Variants in SEL1L2 observed in about 807,000 individuals in gnomAD.
The protein encoded by SEL1L2 is SEL1L2 adaptor subunit of SYVN1 ubiquitin ligase.
Under a neutral mutation model 98.8 loss-of-function variants are expected in SEL1L2, and 89 were observed. That is an observed-to-expected ratio of 0.90 (90% CI 0.76 to 1.07). The LOEUF is 1.07. SEL1L2 is among the 50% of genes least tolerant of loss of function. The pLI is 0.00. For synonymous variants in SEL1L2, 262 were observed against 278.5 expected (o/e 0.94, Z 0.59); for missense variants, 788 against 812.0 (o/e 0.97, Z 0.36).
chr20:13,923,496 C>A (rs1328942271), intron 3 of SEL1L2, among the ~76,000 whole-genome samples: 1 of 152,188 alleles, frequency 6.6e-6, no homozygotes, highest in African/African-American at 2.4e-5. Context: ...TGGCTGAGTG[C>A]AGTAGCTCAC....
intron 1 of SEL1L2, among the ~76,000 whole-genome samples, chr20:13,974,555 T>G (rs1413003473): frequency 1.4e-5 from 2 of 142,608 alleles, no homozygotes; most frequent in African/African-American, 5.2e-5. Flanking sequence ...CCTGGCTTAC[T>G]GCAACCTCCG....
chr20:13,989,170 G>A (rs1026347173), intron 1 of SEL1L2, among the ~76,000 whole-genome samples: 1 of 152,034 alleles, frequency 6.6e-6, no homozygotes, highest in Non-Finnish European at 1.5e-5. Context: ...AACAATTTTT[G>A]TGGTCATCAG....
chr20:13,903,491 GT>G (rs2148112374), intron 5 of SEL1L2, among the ~76,000 whole-genome samples: 1 of 152,244 alleles, frequency 6.6e-6, no homozygotes, highest in South Asian at 2.1e-4. Flanking sequence ...TGTGCCATTG[GT>G]AATATGCCTT....
chr20:13,941,962 T>C (rs1235230107), intron 2 of SEL1L2, among the ~76,000 whole-genome samples: 1 of 152,214 alleles, frequency 6.6e-6, no homozygotes, highest in East Asian at 1.9e-4. Context: ...CTTTTTTCTT[T>C]CCTGGTTCAT....
At chr20:13,899,658 A>G (rs2047579117) in intron 5 of SEL1L2, among the ~76,000 whole-genome samples, 1 of 151,914 alleles carries the variant, frequency 6.6e-6, no homozygotes, top group African/African-American at 2.4e-5. Context: ...TGGCTTAATC[A>G]CCTCCTGAAG....
chr20:13,980,238 C>G (rs2051745050), intron 1 of SEL1L2, among the ~76,000 whole-genome samples: 1 of 152,136 alleles, frequency 6.6e-6, no homozygotes, highest in African/African-American at 2.4e-5. Flanking sequence ...TTTTTTGAGA[C>G]AGAGTCTTGC....
At chr20:13,909,703 G>C (rs972196345) in intron 5 of SEL1L2, among the ~76,000 whole-genome samples, 1 of 152,072 alleles carries the variant, frequency 6.6e-6, no homozygotes. Context: ...ACAGAGGCTG[G>C]GTGTGGTGGC....
chr20:13,945,729 A>AAATT (rs2049977741), intron 2 of SEL1L2, among the ~76,000 whole-genome samples: 1 of 152,144 alleles, frequency 6.6e-6, no homozygotes, highest in African/African-American at 2.4e-5. Flanking sequence ...GCATATTAAA[A>AAATT]AATTATTTAC....
chr20:13,884,370 T>C (rs954250569), intron 10 of SEL1L2, among the ~76,000 whole-genome samples: 3 of 152,162 alleles, frequency 2.0e-5, no homozygotes, highest in Admixed American at 6.5e-5. Context: ...GAAACCACTA[T>C]CAAAATCTAA....
At chr20:13,955,157 T>C (rs1260853254) in intron 2 of SEL1L2, among the ~76,000 whole-genome samples, 1 of 152,124 alleles carries the variant, frequency 6.6e-6, no homozygotes, top group Non-Finnish European at 1.5e-5. Context: ...ACAAAACCCT[T>C]GCTCTCATGG....
At chr20:13,963,544 C>T (rs532357609) in intron 1 of SEL1L2, among the ~76,000 whole-genome samples, 163 of 151,858 alleles carry the variant, frequency 1.1e-3, no homozygotes, top group African/African-American at 3.6e-3. Context: ...TGGTGAAACC[C>T]GTCTCTACTA....
intron 1 of SEL1L2, among the ~76,000 whole-genome samples, chr20:13,966,422 G>A (rs1266256602): frequency 1.3e-5 from 2 of 151,960 alleles, no homozygotes; most frequent in Non-Finnish European, 2.9e-5. Flanking sequence ...AGGTTCAAGC[G>A]ATTCTCCTGC....
chr20:13,949,961 T>G (rs558133744), intron 2 of SEL1L2, among the ~76,000 whole-genome samples: 39 of 152,186 alleles, frequency 2.6e-4, no homozygotes, highest in Non-Finnish European at 4.6e-4. Flanking sequence ...CAGCATTCAT[T>G]AATGAATGAA....
At chr20:13,861,992 C>A (rs1990215481) in intron 17 of SEL1L2, among the ~76,000 whole-genome samples, 1 of 152,188 alleles carries the variant, frequency 6.6e-6, no homozygotes, top group Non-Finnish European at 1.5e-5. Flanking sequence ...TTATTTCCTT[C>A]ACAGCATGTC....
intron 5 of SEL1L2, among the ~76,000 whole-genome samples, chr20:13,898,868 G>A (rs1023402505): frequency 6.6e-6 from 1 of 152,048 alleles, no homozygotes; most frequent in Non-Finnish European, 1.5e-5. Flanking sequence ...TCACCCTCCC[G>A]AGTATCTGGG....
chr20:13,938,348 G>T lies in SEL1L2; in HGVS notation c.115-6577C>A, dbSNP rs146469873. On this transcript the variant is annotated intron_variant, in intron 2 of 19. Transcript: ENST00000284951. ...CCCACCTCGGCCTCCCAAAGTGCTG[G>T]GATTACAGGCGTAAGCCACTGCGCC... is the stretch of plus-strand genomic sequence containing the variant. 4.0e-3 allele frequency among the ~76,000 whole-genome samples: 613 copies of T among 152,126 alleles called. 1 individual carries two copies. Among genetic ancestry groups the T allele is most frequent in the East Asian group, 9.9e-3 (51 of 5,172 alleles).
intron 18 of SEL1L2, chr20:13,851,447 G>T (rs192584979): frequency 1.4e-4 from 21 of 152,196 alleles, no homozygotes; most frequent in African/African-American, 4.8e-4. Flanking sequence ...GTACGCAGTA[G>T]GTCTTTGATA....
intron 10 of SEL1L2, among the ~76,000 whole-genome samples, chr20:13,884,589 C>A (rs2046864603): frequency 6.6e-6 from 1 of 152,136 alleles, no homozygotes; most frequent in Non-Finnish European, 1.5e-5. Flanking sequence ...CTCACTGCAA[C>A]CTGTGCCTCC....
At chr20:13,867,322 G>C (rs1053761067) in intron 14 of SEL1L2, among the ~76,000 whole-genome samples, 8 of 152,188 alleles carry the variant, frequency 5.3e-5, no homozygotes, top group African/African-American at 1.7e-4. Context: ...CTCCTGCTTA[G>C]AGCAAGAATA....
Sources: gnomAD v4.1 joint callset for allele counts (sites outside exome capture counted in the v4.1 genomes callset) on GRCh38, gnomAD v4.1.1 for gene constraint, MANE v1.5 for transcripts, NCBI Gene and HGNC (gene_info 2026-07-23, HGNC 2026-07-21) for gene names.